BMPR1A: variants seen among roughly 807,000 people sequenced by gnomAD.
The protein encoded by BMPR1A is bone morphogenetic protein receptor type 1A, also known as bone morphogenetic protein receptor type-1A.
A neutral mutation model predicts 66.0 loss-of-function variants in BMPR1A; 7 were observed. The ratio of observed to expected loss-of-function variants is 0.11; its 90% CI spans 0.06 to 0.20. The LOEUF is 0.20. BMPR1A is among the 10% of genes least tolerant of loss of function. BMPR1A has a pLI of 1.00. For synonymous variants in BMPR1A, 200 were observed against 229.7 expected, an observed-to-expected ratio of 0.87 and a Z score of 1.17; for missense variants, 408 against 669.1, an observed-to-expected ratio of 0.61 and a Z score of 4.31.
chr10:86,931,104 G>C (rs1454520538), downstream of BMPR1A: 3 of 151,258 alleles, frequency 2.0e-5, no homozygotes, highest in African/African-American at 7.3e-5. Context: ...AGCTGGGTGT[G>C]GTGGTACTCG....
chr10:86,804,496 G>A (rs11202193), intron 1 of BMPR1A, among the ~76,000 whole-genome samples: 1,594 of 152,180 alleles, frequency 0.01, 30 homozygotes, highest in South Asian at 0.079. Flanking sequence ...GCCTCCCAAA[G>A]TGCTGGGATT....
chr10:86,883,465 G>T (rs1272026544), intron 3 of BMPR1A, among the ~76,000 whole-genome samples: 2 of 147,168 alleles, frequency 1.4e-5, no homozygotes, highest in African/African-American at 5.0e-5. Context: ...CAGGAGAATG[G>T]TGTGAACCCG....
chr10:86,794,799 A>C (rs770272154), intron 1 of BMPR1A, among the ~76,000 whole-genome samples: 1 of 151,466 alleles, frequency 6.6e-6, no homozygotes, highest in Non-Finnish European at 1.5e-5. Context: ...TAGGATTTAA[A>C]ATTCAAATTT....
chr10:86,796,890 T>G (rs1000420902), intron 1 of BMPR1A, among the ~76,000 whole-genome samples: 2 of 152,102 alleles, frequency 1.3e-5, no homozygotes, highest in African/African-American at 2.4e-5. Flanking sequence ...GGAGTTGGTG[T>G]TGTTCTGTTT....
At chr10:86,797,016 A>G (rs1460454731) in intron 1 of BMPR1A, among the ~76,000 whole-genome samples, 1 of 138,920 alleles carries the variant, frequency 7.2e-6, no homozygotes, top group Non-Finnish European at 1.6e-5. Flanking sequence ...TGTGGCTCCA[A>G]TTTTTCTTCC....
At chr10:86,861,553 ATTGT>A (rs1842714805) in intron 2 of BMPR1A, among the ~76,000 whole-genome samples, 1 of 152,192 alleles carries the variant, frequency 6.6e-6, no homozygotes, top group Middle Eastern at 3.2e-3. Context: ...GTCAGACCAC[ATTGT>A]TTGTACCCAA....
At chr10:86,849,623 C>T (rs1253179254) in intron 2 of BMPR1A, among the ~76,000 whole-genome samples, 1 of 152,216 alleles carries the variant, frequency 6.6e-6, no homozygotes, top group Non-Finnish European at 1.5e-5. Context: ...GAACTACACT[C>T]TCCGATATGG....
At chr10:86,798,092 C>G (rs17231982) in intron 1 of BMPR1A, among the ~76,000 whole-genome samples, 11,477 of 152,090 alleles carry the variant, frequency 0.075, 526 homozygotes, top group Non-Finnish European at 0.081. Context: ...ACATCCTCTT[C>G]ATTTAAGGTC....
At chr10:86,783,141 C>T (rs1161132785) in intron 1 of BMPR1A, among the ~76,000 whole-genome samples, 1 of 152,166 alleles carries the variant, frequency 6.6e-6, no homozygotes, top group Non-Finnish European at 1.5e-5. Flanking sequence ...TTCCCCATTG[C>T]GTAGTCTTGG....
intron 2 of BMPR1A, among the ~76,000 whole-genome samples, chr10:86,875,244 A>G (rs952395879): frequency 6.6e-6 from 1 of 151,826 alleles, no homozygotes; most frequent in Non-Finnish European, 1.5e-5. Context: ...GTGGTGGTGC[A>G]CACCTGTAAT....
chr10:86,827,813 C>T (rs1005928001), intron 1 of BMPR1A, among the ~76,000 whole-genome samples: 2 of 152,132 alleles, frequency 1.3e-5, no homozygotes, highest in African/African-American at 4.8e-5. Context: ...TAGGTTGACT[C>T]ATTCAGGTAT....
intron 1 of BMPR1A, among the ~76,000 whole-genome samples, chr10:86,820,553 A>G (rs1175999783): frequency 1.3e-5 from 2 of 152,062 alleles, no homozygotes; most frequent in East Asian, 3.9e-4. Context: ...CTCATTATCC[A>G]TCTCTCCATC....
chr10:86,777,966 T>C (rs1732959646), intron 1 of BMPR1A, among the ~76,000 whole-genome samples: 1 of 149,730 alleles, frequency 6.7e-6, no homozygotes, highest in South Asian at 2.1e-4. Flanking sequence ...TGAGTCAAGA[T>C]GGTGCCATTG....
At chr10:86,912,167 G>C in intron 7 of BMPR1A, 73 bp from the exon 8 acceptor site, 1 of 1,510,884 alleles carries the variant, frequency 6.6e-7, no homozygotes, top group Non-Finnish European at 9.1e-7. Context: ...ATGGTATAGA[G>C]AACCTCAAGG....
chr10:86,921,007 C>A (rs1564724790), intron 10 of BMPR1A, among the ~76,000 whole-genome samples: 1 of 151,996 alleles, frequency 6.6e-6, no homozygotes, highest in African/African-American at 2.4e-5. Flanking sequence ...AGTCATGTGC[C>A]ACCAACCCTG....
intron 1 of BMPR1A, among the ~76,000 whole-genome samples, chr10:86,769,466 C>T (rs1031372236): frequency 6.6e-6 from 1 of 152,198 alleles, no homozygotes; most frequent in Non-Finnish European, 1.5e-5. Flanking sequence ...TTTCCTCATT[C>T]ACTCAGAGTG....
downstream of BMPR1A, chr10:86,928,090 A>G (rs1441169622): frequency 6.0e-6 from 1 of 166,698 alleles, no homozygotes; most frequent in Non-Finnish European, 1.3e-5. Flanking sequence ...TGTACACTTC[A>G]ACTACCAGAA....
chr10:86,914,388 T>G (rs767475806), intron 8 of BMPR1A, among the ~76,000 whole-genome samples: 1 of 152,216 alleles, frequency 6.6e-6, no homozygotes, highest in Non-Finnish European at 1.5e-5. Flanking sequence ...ATTTTTTTAA[T>G]GATAAATCAG....
intron 8 of BMPR1A, among the ~76,000 whole-genome samples, chr10:86,913,106 A>G (rs1843514592): frequency 6.6e-6 from 1 of 151,760 alleles, no homozygotes; most frequent in East Asian, 1.9e-4. Context: ...ATCTCTTCTT[A>G]TTTTATTTTA....
Sources: gnomAD v4.1 joint callset for allele counts (sites outside exome capture counted in the v4.1 genomes callset) on GRCh38, gnomAD v4.1.1 for gene constraint, MANE v1.5 for transcripts, NCBI Gene and HGNC (gene_info 2026-07-23, HGNC 2026-07-21) for gene names.